SND1: variants seen among roughly 807,000 people sequenced by gnomAD.
The protein encoded by SND1 is staphylococcal nuclease domain-containing protein 1.
In SND1, 38 loss-of-function variants were observed where a neutral mutation model predicts 121.7. That is an observed-to-expected ratio of 0.31 (90% CI 0.24 to 0.41). The LOEUF is 0.41. Among genes scored for constraint, SND1 ranks in the 10% least tolerant of loss-of-function variants. SND1 has a pLI of 1.00. For missense variants in SND1, 868 were observed against 1,184.6 expected, an observed-to-expected ratio of 0.73 and a Z score of 3.92; for synonymous variants, 401 against 447.4, an observed-to-expected ratio of 0.90 and a Z score of 1.31.
chr7:127,987,070 A>G (rs1802408353), intron 15 of SND1, among the ~76,000 whole-genome samples: 1 of 152,250 alleles, frequency 6.6e-6, no homozygotes, highest in Admixed American at 6.5e-5. Context: ...GTTATCAGAA[A>G]AGACAGCTAT....
chr7:128,085,002 C>T lies in SND1; in HGVS notation c.2234+155C>T, dbSNP rs1284991766. Among the ~76,000 whole-genome samples, 3 of 152,220 alleles carry T rather than the reference C, an allele frequency of 2.0e-5. No homozygotes were observed. The highest frequency in any genetic ancestry group is 4.4e-5 in the Non-Finnish European group (3 of 68,032). ...GGGTGTCCCTCTTCATTGCCCACAGCCCATCTGGGGCCTTGCTCTGGCCTG... is the reference window on the plus strand; with the variant it reads ...GGGTGTCCCTCTTCATTGCCCACAGTCCATCTGGGGCCTTGCTCTGGCCTG... On this transcript the variant is annotated intron_variant, in intron 19 of 23. Transcript: ENST00000354725. The surrounding 1 kb of genome is among the most constrained non-coding windows in gnomAD (Gnocchi z 4.4).
At chr7:128,058,160 G>C (rs982790745) in intron 16 of SND1, among the ~76,000 whole-genome samples, 3 of 152,268 alleles carry the variant, frequency 2.0e-5, no homozygotes, top group Admixed American at 2.0e-4. Context: ...GCTGGGCTAT[G>C]CATCAGCCAA....
chr7:128,086,977 C>A lies in SND1; in HGVS notation c.2344C>A (p.Pro782Thr), dbSNP rs539780027. 9.3e-6 allele frequency: 15 copies of A among 1,614,120 alleles called. No individual in the cohort carries two copies. The highest frequency in any genetic ancestry group is 1.3e-5 in the Non-Finnish European group (15 of 1,180,052). Reference sequence around the variant, plus strand: ...ATCCACCCGCCTGGGTACCCTATCACCTGCCTTCAGCACTCGGGTGCTGCC... The same window carrying A: ...ATCCACCCGCCTGGGTACCCTATCAACTGCCTTCAGCACTCGGGTGCTGCC... Reference protein sequence around the residue: ...LPSTRLGTLSPAFSTRVLPAQ... With the variant: ...LPSTRLGTLSTAFSTRVLPAQ... The change falls in exon 21 of 24, where the codon CCT becomes ACT. Residue 782 changes from proline to threonine, a missense_variant. This residue lies in a region of SND1 where 743 missense variants were observed against 1,071.3 expected (regional missense o/e 0.69). Coordinates refer to ENST00000354725, the MANE Select transcript of SND1 (RefSeq NM_014390.4).
At chr7:127,904,230 T>A (rs1376779315) in intron 13 of SND1, 2 of 152,514 alleles carry the variant, frequency 1.3e-5, no homozygotes, top group Non-Finnish European at 2.9e-5. Context: ...TATGTAGCAT[T>A]TGCTAATTTT....
At chr7:127,673,366 C>T (rs535283165) in intron 1 of SND1, among the ~76,000 whole-genome samples, 63 of 152,166 alleles carry the variant, frequency 4.1e-4, no homozygotes, top group Non-Finnish European at 8.4e-4. Context: ...GGCTGGCTTA[C>T]AGTGATGTGA....
At chr7:127,898,571 A>G (rs995360454) in intron 13 of SND1, among the ~76,000 whole-genome samples, 5 of 152,164 alleles carry the variant, frequency 3.3e-5, no homozygotes, top group Non-Finnish European at 4.4e-5. Flanking sequence ...CTGAAAAACC[A>G]TATTCCTCAA....
intron 10 of SND1, among the ~76,000 whole-genome samples, chr7:127,730,585 C>T (rs1796657940): frequency 1.3e-5 from 2 of 152,206 alleles, no homozygotes; most frequent in South Asian, 4.1e-4. Context: ...CTCTGCTGTC[C>T]TGCTGGTTCT....
chr7:127,782,995 T>C (rs1039802002), intron 10 of SND1, among the ~76,000 whole-genome samples: 6 of 152,232 alleles, frequency 3.9e-5, no homozygotes, highest in Non-Finnish European at 7.3e-5. Context: ...ATTTCCTCTT[T>C]AATTCAGCAA....
At chr7:127,906,048 G>A (rs1800329595) in intron 14 of SND1, among the ~76,000 whole-genome samples, 2 of 152,138 alleles carry the variant, frequency 1.3e-5, no homozygotes, top group African/African-American at 2.4e-5. Flanking sequence ...TTGCCTAGGT[G>A]TAGTGGTTTC....
intron 16 of SND1, among the ~76,000 whole-genome samples, chr7:128,026,022 A>T (rs1373212781): frequency 6.6e-6 from 1 of 152,076 alleles, no homozygotes; most frequent in Non-Finnish European, 1.5e-5. Flanking sequence ...CTGTCAAAAA[A>T]AAAAAAAGAA....
chr7:128,006,051 A>C (rs1802966272), intron 16 of SND1, among the ~76,000 whole-genome samples: 1 of 152,164 alleles, frequency 6.6e-6, no homozygotes, highest in Admixed American at 6.5e-5. Context: ...TGAGCCTTCA[A>C]GTAGTAACTT....
chr7:127,745,881 C>T (rs1191898888), intron 10 of SND1, among the ~76,000 whole-genome samples: 7 of 152,196 alleles, frequency 4.6e-5, no homozygotes, highest in African/African-American at 4.8e-5. Flanking sequence ...GGGTGTGTAT[C>T]GTTGAGGTGT....
At chr7:127,922,175 CTTTTTTTTTTTTTTT>C (rs1158535023) in intron 14 of SND1, among the ~76,000 whole-genome samples, 7 of 57,176 alleles carry the variant, frequency 1.2e-4, no homozygotes, top group African/African-American at 3.8e-4. Context: ...TTTTTCTTTC[CTTTTTTTTTTTTTTT>C]TTTTTTTTTT....
chr7:127,896,773 G>C (rs1800128192), intron 13 of SND1, among the ~76,000 whole-genome samples: 1 of 152,056 alleles, frequency 6.6e-6, no homozygotes, highest in African/African-American at 2.4e-5. Flanking sequence ...CTGAGTTCAT[G>C]GCTCCTTAAT....
chr7:127,684,735 G>A (rs543021590), intron 1 of SND1, among the ~76,000 whole-genome samples: 3 of 152,256 alleles, frequency 2.0e-5, no homozygotes, highest in South Asian at 2.1e-4. Context: ...GGATAAAAAC[G>A]AAAAGCGTGC....
chr7:127,929,395 T>C (rs1800914314), intron 15 of SND1, 66 bp downstream of exon 15: 1 of 1,540,984 alleles, frequency 6.5e-7, no homozygotes, highest in Non-Finnish European at 9.0e-7. Flanking sequence ...CATACCCTCC[T>C]TTCCCCCTGT....
intron 1 of SND1, among the ~76,000 whole-genome samples, chr7:127,680,709 C>T (rs775085758): frequency 6.6e-6 from 1 of 150,984 alleles, no homozygotes; most frequent in South Asian, 2.1e-4. Context: ...ACACGCTCTA[C>T]AGTTTGTACA....
At chr7:127,751,790 G>A (rs1442721243) in intron 10 of SND1, among the ~76,000 whole-genome samples, 1 of 152,210 alleles carries the variant, frequency 6.6e-6, no homozygotes, top group African/African-American at 2.4e-5. Flanking sequence ...TGCATTCCCT[G>A]GTTACTCAGC....
chr7:128,036,412 C>A (rs766874457), intron 16 of SND1, among the ~76,000 whole-genome samples: 1 of 152,232 alleles, frequency 6.6e-6, no homozygotes, highest in African/African-American at 2.4e-5. Context: ...CCTGATGATT[C>A]AAGGCAAGAC....
Sources: allele counts gnomAD v4.1 joint callset (sites outside exome capture counted in the v4.1 genomes callset), GRCh38; gene constraint gnomAD v4.1.1; regional missense constraint gnomAD v4.1.1; non-coding constraint Gnocchi (gnomAD v3.1); transcripts MANE v1.5; gene names NCBI Gene and HGNC (gene_info 2026-07-23, HGNC 2026-07-21).